The following MAPK10 variants were observed in gnomAD, a reference collection of about 807,000 sequenced individuals.
The protein encoded by MAPK10 is JNK3 alpha protein kinase.
MAPK10 carries 25 observed loss-of-function variants against 59.3 expected under a neutral mutation model. The observed-to-expected ratio is 0.42, with a 90% CI of 0.31 to 0.59. The LOEUF (loss-of-function observed/expected upper bound fraction) is 0.59, where lower values mean the gene tolerates loss of function less well. MAPK10 is among the 20% of genes least tolerant of loss of function. MAPK10 has a pLI of 0.15. For synonymous variants in MAPK10, 190 were observed against 200.5 expected (o/e 0.95, Z 0.44); for missense variants, 351 against 568.9 (o/e 0.62, Z 3.90).
chr4:86,463,621 G>T (rs1006678987), intron 1 of MAPK10, among the ~76,000 whole-genome samples: 1 of 152,144 alleles, frequency 6.6e-6, no homozygotes, highest in African/African-American at 2.4e-5. Context: ...CTTAGTAAAT[G>T]ATATTACCAT....
intron 3 of MAPK10, among the ~76,000 whole-genome samples, chr4:86,162,799 G>T (rs2070265138): frequency 6.6e-6 from 1 of 152,064 alleles, no homozygotes; most frequent in Non-Finnish European, 1.5e-5. Context: ...GACTTGATCT[G>T]TGTTTTCCCC....
At chr4:86,028,252 G>A (rs1751327400) in intron 13 of MAPK10, 1 of 152,096 alleles carries the variant, frequency 6.6e-6, no homozygotes, top group African/African-American at 2.4e-5. Context: ...CAACTCCTGT[G>A]ATTCCCTTAA....
At chr4:86,295,434 A>G (rs1443075957) in intron 2 of MAPK10, among the ~76,000 whole-genome samples, 3 of 151,992 alleles carry the variant, frequency 2.0e-5, no homozygotes, top group Non-Finnish European at 4.4e-5. Context: ...AACTTGCTCT[A>G]CATTTTATGG....
At chr4:86,045,125 G>T (rs76259611) in intron 11 of MAPK10, among the ~76,000 whole-genome samples, 1 of 152,072 alleles carries the variant, frequency 6.6e-6, no homozygotes, top group African/African-American at 2.4e-5. Context: ...GTTTGGCAAA[G>T]AAGTTGAATT....
At chr4:86,549,706 C>T (rs778139361) in intron 1 of MAPK10, among the ~76,000 whole-genome samples, 15 of 152,100 alleles carry the variant, frequency 9.9e-5, no homozygotes, top group Non-Finnish European at 1.6e-4. Flanking sequence ...AGACCAGGCA[C>T]GGTGGCTCAT....
chr4:86,440,648 G>A (rs539190250), intron 1 of MAPK10, among the ~76,000 whole-genome samples: 82 of 150,668 alleles, frequency 5.4e-4, no homozygotes, highest in African/African-American at 1.9e-3. Context: ...AAAAAGGAAT[G>A]TAACTGTCCA....
intron 1 of MAPK10, among the ~76,000 whole-genome samples, chr4:86,447,864 T>G (rs956646882): frequency 6.6e-6 from 1 of 152,218 alleles, no homozygotes; most frequent in African/African-American, 2.4e-5. Flanking sequence ...TCTTTCTTTT[T>G]TACACCTACC....
intron 1 of MAPK10, among the ~76,000 whole-genome samples, chr4:86,484,784 A>C (rs1054783403): frequency 1.8e-4 from 27 of 152,222 alleles, no homozygotes; most frequent in African/African-American, 5.8e-4. Flanking sequence ...AGTTACTTGC[A>C]GAAAGACATA....
chr4:86,270,135 C>A (rs897977722), intron 2 of MAPK10, among the ~76,000 whole-genome samples: 4 of 151,874 alleles, frequency 2.6e-5, no homozygotes, highest in Non-Finnish European at 5.9e-5. Context: ...TAACTTATTC[C>A]AGCATCCATT....
At chr4:86,211,133 AAAG>A (rs1338578324) in intron 2 of MAPK10, among the ~76,000 whole-genome samples, 58 of 152,098 alleles carry the variant, frequency 3.8e-4, no homozygotes, top group Admixed American at 3.5e-3. Flanking sequence ...TGGAGTTTCA[AAAG>A]AAGAAGAGAG....
intron 1 of MAPK10, among the ~76,000 whole-genome samples, chr4:86,369,741 A>G (rs1738466900): frequency 6.6e-6 from 1 of 152,244 alleles, no homozygotes. Context: ...GTGCAATGAT[A>G]ATAGTAGTTA....
intron 2 of MAPK10, among the ~76,000 whole-genome samples, chr4:86,199,508 T>C (rs1409509169): frequency 1.3e-5 from 2 of 151,930 alleles, no homozygotes; most frequent in African/African-American, 2.4e-5. Flanking sequence ...GATAAAACTG[T>C]TTTTTGAAAG....
chr4:86,446,710 A>G (rs931882078), intron 1 of MAPK10, among the ~76,000 whole-genome samples: 1 of 152,154 alleles, frequency 6.6e-6, no homozygotes, highest in Non-Finnish European at 1.5e-5. Flanking sequence ...GATATTTGCT[A>G]TTACTCTCCA....
At chr4:86,207,810 T>C (rs1472037752) in intron 2 of MAPK10, among the ~76,000 whole-genome samples, 4 of 152,162 alleles carry the variant, frequency 2.6e-5, no homozygotes, top group African/African-American at 7.2e-5. Flanking sequence ...TTTGAAGCAA[T>C]TGTGAATGGG....
chr4:86,546,570 A>AAG (rs1759191477), intron 1 of MAPK10, among the ~76,000 whole-genome samples: 2 of 151,558 alleles, frequency 1.3e-5, no homozygotes, highest in Non-Finnish European at 2.9e-5. Flanking sequence ...AAAAAAAAAA[A>AAG]AAGAAGAAAG....
intron 1 of MAPK10, among the ~76,000 whole-genome samples, chr4:86,549,695 T>G (rs1281045360): frequency 6.6e-6 from 1 of 152,152 alleles, no homozygotes; most frequent in Non-Finnish European, 1.5e-5. Context: ...AAGAGCATGT[T>G]AGACCAGGCA....
intron 2 of MAPK10, among the ~76,000 whole-genome samples, chr4:86,298,004 C>T (rs2095401328): frequency 6.6e-6 from 1 of 152,136 alleles, no homozygotes; most frequent in South Asian, 2.1e-4. Flanking sequence ...TGTGTGTTTC[C>T]ATTTGCATTA....
intron 13 of MAPK10, chr4:86,023,873 A>G (rs1748794184): frequency 7.1e-6 from 1 of 141,394 alleles, no homozygotes; most frequent in African/African-American, 2.6e-5. Flanking sequence ...GTAATTAACT[A>G]GAAAGCCAGT....
At chr4:86,418,280 G>A (rs1415885901) in intron 1 of MAPK10, among the ~76,000 whole-genome samples, 2 of 152,106 alleles carry the variant, frequency 1.3e-5, no homozygotes, top group Non-Finnish European at 2.9e-5. Context: ...TTTCCTCTAT[G>A]TGTGTGTTTG....
Sources: gnomAD v4.1 joint callset for allele counts (sites outside exome capture counted in the v4.1 genomes callset) on GRCh38, gnomAD v4.1.1 for gene constraint, MANE v1.5 for transcripts, NCBI Gene and HGNC (gene_info 2026-07-23, HGNC 2026-07-21) for gene names.